Variants in VPS13D observed in about 807,000 individuals in gnomAD.
The protein encoded by VPS13D is vacuolar protein sorting 13 homolog D.
VPS13D carries 187 observed loss-of-function variants against 461.9 expected under a neutral mutation model. The observed-to-expected ratio is 0.40, with a 90% CI of 0.36 to 0.46. The LOEUF (loss-of-function observed/expected upper bound fraction) is 0.46. Ranked by LOEUF, VPS13D falls within the 20% of genes least tolerant of loss-of-function variation. The pLI, the probability that VPS13D is intolerant of heterozygous loss-of-function variation, is 0.60. For missense variants in VPS13D, 4,711 were observed against 5,364.9 expected (o/e 0.88, Z 3.81); for synonymous variants, 1,951 against 1,986.3 (o/e 0.98, Z 0.47).
At chr1:12,350,489 G>T (rs1008547907) in intron 46 of VPS13D, among the ~76,000 whole-genome samples, 1 of 152,028 alleles carries the variant, frequency 6.6e-6, no homozygotes, top group African/African-American at 2.4e-5. Flanking sequence ...GTAATAAAAG[G>T]CAGACATGTT....
At chr1:12,332,353 ATGT>A (rs1283144858) in intron 37 of VPS13D, among the ~76,000 whole-genome samples, 1 of 152,238 alleles carries the variant, frequency 6.6e-6, no homozygotes, top group African/African-American at 2.4e-5. Context: ...ATTATAATGC[ATGT>A]TAATATTCAG....
chr1:12,271,923 G>A (rs1281659439), intron 17 of VPS13D, among the ~76,000 whole-genome samples: 1 of 152,104 alleles, frequency 6.6e-6, no homozygotes, highest in African/African-American at 2.4e-5. Context: ...TGGGCAAGGT[G>A]GCCCATGCCT....
intron 57 of VPS13D, among the ~76,000 whole-genome samples, chr1:12,381,375 G>A (rs1489707258): frequency 6.6e-6 from 1 of 152,150 alleles, no homozygotes; most frequent in African/African-American, 2.4e-5. Flanking sequence ...GACACTCTTT[G>A]CCATTGTCTT....
At chr1:12,474,475 G>C (rs1489382979) in intron 67 of VPS13D, among the ~76,000 whole-genome samples, 2 of 151,406 alleles carry the variant, frequency 1.3e-5, no homozygotes, top group Non-Finnish European at 2.9e-5. Flanking sequence ...TGTAGGTCGG[G>C]GTCCCCTAGG....
chr1:12,246,441 G>C (rs1367014611), intron 5 of VPS13D, among the ~76,000 whole-genome samples: 1 of 152,150 alleles, frequency 6.6e-6, no homozygotes, highest in African/African-American at 2.4e-5. Context: ...TTTGGAGTTT[G>C]GATTTTTGGA....
rs545509325 is a variant in VPS13D at position 12,507,192 on chromosome 1, T to C, written c.13035+99T>C. ...CCTCAGCAGGAGCTCATTTAGGAGG[T>C]TGAGGCTGGGCCCTTCCCAGGAGTG... is the stretch of plus-strand genomic sequence containing the variant. On this transcript the variant is annotated intron_variant, in intron 69 of 69. Coordinates refer to ENST00000620676, the MANE Select transcript of VPS13D (RefSeq NM_015378.4). This position sits in a 1 kb window ranked among gnomAD's most constrained non-coding sequence, Gnocchi z 5.3. The C allele has an allele frequency of 3.2e-5, 51 of 1,601,832 alleles. No homozygotes were observed. The Admixed American group carries it at 7.2e-4, about 23-fold the overall frequency.
intron 65 of VPS13D, among the ~76,000 whole-genome samples, chr1:12,433,342 G>C (rs12069108): frequency 1.3e-5 from 2 of 151,980 alleles, no homozygotes; most frequent in African/African-American, 4.8e-5. Flanking sequence ...CTTCAGGCCA[G>C]ATGAAATCAT....
At chr1:12,466,603 C>A (rs1884404) in intron 67 of VPS13D, among the ~76,000 whole-genome samples, 84 of 152,324 alleles carry the variant, frequency 5.5e-4, no homozygotes, top group African/African-American at 2.0e-3. Flanking sequence ...TCATACTTAT[C>A]TAGGAAGTTC....
chr1:12,437,041 C>G (rs189895193), intron 65 of VPS13D, among the ~76,000 whole-genome samples: 10 of 152,128 alleles, frequency 6.6e-5, no homozygotes, highest in Non-Finnish European at 1.3e-4. Flanking sequence ...AAAACAACAG[C>G]CTGTCACACC....
chr1:12,475,150 A>T (rs1007137165), intron 67 of VPS13D, among the ~76,000 whole-genome samples: 1 of 152,144 alleles, frequency 6.6e-6, no homozygotes, highest in Admixed American at 6.5e-5. Context: ...AAGCTATTGG[A>T]TGTTCCCTTT....
intron 53 of VPS13D, among the ~76,000 whole-genome samples, 158 bp downstream of exon 53, chr1:12,368,749 C>T (rs1482013040): frequency 1.3e-5 from 2 of 152,144 alleles, no homozygotes; most frequent in Non-Finnish European, 2.9e-5. Flanking sequence ...GAAATCCTTA[C>T]CATTAAGAGG....
At chr1:12,390,560 A>G (rs1644411382) in intron 60 of VPS13D, among the ~76,000 whole-genome samples, 1 of 152,200 alleles carries the variant, frequency 6.6e-6, no homozygotes, top group Non-Finnish European at 1.5e-5. Flanking sequence ...TGGCAGAAGC[A>G]TTGCATGCAG....
In VPS13D at chr1:12,369,450, C is replaced by T. The variant is rs1644087062; in HGVS notation, c.10573-17C>T. On this transcript the variant is annotated splice_polypyrimidine_tract_variant and intron_variant, in intron 53 of 69. Coordinates refer to ENST00000620676, the MANE Select transcript of VPS13D (RefSeq NM_015378.4). ...TCTGAATGAAAGTCCTCTTTGTCCTCTCTGCCATCACTCTAGGTCCCGGTT... is the reference window on the plus strand; with the variant it reads ...TCTGAATGAAAGTCCTCTTTGTCCTTTCTGCCATCACTCTAGGTCCCGGTT... The T allele has an allele frequency of 3.7e-6, 6 of 1,612,794 alleles. No individual in the cohort carries two copies. The highest frequency in any genetic ancestry group is 4.2e-6 in the Non-Finnish European group (5 of 1,179,002).
chr1:12,435,352 A>G (rs1426090311), intron 65 of VPS13D, among the ~76,000 whole-genome samples: 1 of 151,944 alleles, frequency 6.6e-6, no homozygotes, highest in Admixed American at 6.6e-5. Flanking sequence ...TCACACCTAC[A>G]TGGGAGGCTG....
intron 67 of VPS13D, among the ~76,000 whole-genome samples, chr1:12,467,757 A>G (rs1043418568): frequency 2.0e-5 from 3 of 152,174 alleles, no homozygotes; most frequent in Non-Finnish European, 4.4e-5. Flanking sequence ...TGAAATCCCA[A>G]GAGTCATTTT....
At chr1:12,456,391 AT>A (rs554809036) in intron 66 of VPS13D, among the ~76,000 whole-genome samples, 3 of 151,960 alleles carry the variant, frequency 2.0e-5, no homozygotes, top group Non-Finnish European at 2.9e-5. Flanking sequence ...TAATCCCAGC[AT>A]TTTGGGAGGT....
rs1405244158 is a variant in VPS13D at position 12,317,417 on chromosome 1, AC to A, written c.7149-653del. On this transcript the variant is annotated intron_variant, in intron 30 of 69. Transcript: ENST00000620676. Reference sequence around the variant, plus strand: ...CTTCAAAGCCTGTGCTCTTTATCATACCAGAATTTCTTGACCTTAGCACTAT... The same window carrying A: ...CTTCAAAGCCTGTGCTCTTTATCATACAGAATTTCTTGACCTTAGCACTAT... 2.6e-5 allele frequency among the ~76,000 whole-genome samples: 4 copies of A among 152,074 alleles called. No individual in the cohort carries two copies. In the East Asian group the frequency reaches 7.7e-4, roughly 29 times the overall value.
Position 12,308,544 on chromosome 1 carries a change from G to C in VPS13D, c.6553G>C (p.Asp2185His), listed in dbSNP as rs1293044105. ...YSKAPEDSSG[D>H]LIFPSYFVRQ... Reference sequence around the variant, plus strand: ...GAAGGCACCAGAGGATAGTAGTGGAGATCTGATCTTCCCTTCCTATTTTGT... The same window carrying C: ...GAAGGCACCAGAGGATAGTAGTGGACATCTGATCTTCCCTTCCTATTTTGT... Residue 2185 changes from aspartate (D) to histidine (H), a missense_variant, in exon 27 of 70, where the codon GAT becomes CAT. Transcript: ENST00000620676. 2 of 1,613,974 alleles carry C rather than the reference G, an allele frequency of 1.2e-6. No individual in the cohort carries two copies. Among genetic ancestry groups the C allele is most frequent in the African/African-American group, 2.7e-5 (2 of 74,902 alleles).
intron 7 of VPS13D, among the ~76,000 whole-genome samples, chr1:12,254,520 T>TA (rs1277927137): frequency 1.6e-5 from 2 of 126,192 alleles, no homozygotes; most frequent in African/African-American, 3.7e-5. Flanking sequence ...AATCTTTTTT[T>TA]TTTTTTTTTT....
Sources: allele counts gnomAD v4.1 joint callset (sites outside exome capture counted in the v4.1 genomes callset), GRCh38; gene constraint gnomAD v4.1.1; non-coding constraint Gnocchi (gnomAD v3.1); transcripts MANE v1.5; gene names NCBI Gene and HGNC (gene_info 2026-07-23, HGNC 2026-07-21).